The following MARCHF5 variants were observed in gnomAD, a reference collection of about 807,000 sequenced individuals.
MARCHF5 encodes the protein membrane associated ring-CH-type finger 5.
MARCHF5 carries 5 observed loss-of-function variants against 36.5 expected under a neutral mutation model. The observed-to-expected ratio is 0.14, with a 90% confidence interval of 0.07 to 0.29. The LOEUF (loss-of-function observed/expected upper bound fraction) is 0.29, where lower values mean the gene tolerates loss of function less well. Among genes scored for constraint, MARCHF5 ranks in the 10% least tolerant of loss-of-function variants. MARCHF5 has a pLI of 1.00. For missense variants in MARCHF5, 179 were observed against 336.3 expected (o/e 0.53, Z 3.66); for synonymous variants, 103 against 109.9 (o/e 0.94, Z 0.39).
At chr10:92,307,222 T>C (rs1438893615) in intron 1 of MARCHF5, among the ~76,000 whole-genome samples, 1 of 145,972 alleles carries the variant, frequency 6.9e-6, no homozygotes, top group Non-Finnish European at 1.5e-5. Context: ...TGCGCGTGCA[T>C]GCACGCACGT....
In MARCHF5 at chr10:92,349,390, T is replaced by C. The variant is rs1456471198; in HGVS notation, c.411T>C (p.Ala137=). Reference sequence around the variant, plus strand: ...AAGGTCTGGATGTTATGGAGAGAGCTGATCCTTTATTCCTTTTAATTGGAC... The same window carrying C: ...AAGGTCTGGATGTTATGGAGAGAGCCGATCCTTTATTCCTTTTAATTGGAC... ...HKEGLDVMER[A]DPLFLLIGLP... The change falls in exon 4 of 6, where the codon GCT becomes GCC. Residue 137 remains alanine, a synonymous_variant. Coordinates refer to ENST00000358935, the MANE Select transcript of MARCHF5 (RefSeq NM_017824.5). The C allele has an allele frequency of 1.9e-6, 3 of 1,614,078 alleles. No individual in the cohort carries two copies. The highest frequency in any genetic ancestry group is 1.1e-5 in the South Asian group (1 of 91,064).
chr10:92,340,816 A>G lies in MARCHF5; in HGVS notation c.369+13A>G, dbSNP rs748542270. On this transcript the variant is annotated intron_variant, in intron 3 of 5. Coordinates refer to ENST00000358935, the MANE Select transcript of MARCHF5 (RefSeq NM_017824.5). ...GACAGTGATGCAGGTTCACTATTTTACCTATATAGTGATATTACTTGGTGT... is the reference window on the plus strand; with the variant it reads ...GACAGTGATGCAGGTTCACTATTTTGCCTATATAGTGATATTACTTGGTGT... 2.5e-6 allele frequency: 4 copies of G among 1,588,982 alleles called. No homozygotes were observed. In the South Asian group the frequency reaches 4.6e-5, roughly 18 times the overall value.
chr10:92,315,713 CTT>C (rs1197703780), intron 2 of MARCHF5, among the ~76,000 whole-genome samples: 3 of 152,146 alleles, frequency 2.0e-5, no homozygotes, highest in Non-Finnish European at 2.9e-5. Flanking sequence ...CACTTTTACT[CTT>C]TTGAACCATT....
chr10:92,349,156 A>T (rs556259118), intron 3 of MARCHF5, among the ~76,000 whole-genome samples, 193 bp from the exon 4 acceptor site: 1 of 152,240 alleles, frequency 6.6e-6, no homozygotes, highest in South Asian at 2.1e-4. Context: ...TGGCTTGGGA[A>T]CTTTGTTTTT....
intron 2 of MARCHF5, among the ~76,000 whole-genome samples, chr10:92,317,039 G>A (rs560991763): frequency 6.6e-6 from 1 of 152,206 alleles, no homozygotes; most frequent in East Asian, 1.9e-4. Context: ...GAATTCAGAG[G>A]AGAGCATCTC....
chr10:92,311,388 A>G, intron 2 of MARCHF5, 51 bp downstream of exon 2: 1 of 1,267,404 alleles, frequency 7.9e-7, no homozygotes, highest in South Asian at 1.4e-5. Context: ...TATTATATAT[A>G]ACTTTATAAG....
Position 92,349,956 on chromosome 10 carries a change from A to T in MARCHF5, c.720+119A>T, listed in dbSNP as rs549842439. 734 of 745,892 alleles carry T rather than the reference A, an allele frequency of 9.8e-4. 2 individuals are homozygous for T. Among genetic ancestry groups the T allele is most frequent in the Non-Finnish European group, 1.1e-3 (510 of 461,144 alleles). 46.2% of individuals were successfully genotyped at this position (745,892 alleles called of 1,614,324 possible). On this transcript the variant is annotated intron_variant, in intron 5 of 5. Transcript: ENST00000358935. ...TGTGGCTCCTATGCATTAAGCCTCT[A>T]TTTGAGCCTCACTATCATTCAATAG... is the stretch of plus-strand genomic sequence containing the variant.
At chr10:92,344,111 G>T (rs577993979) in intron 3 of MARCHF5, among the ~76,000 whole-genome samples, 3 of 152,118 alleles carry the variant, frequency 2.0e-5, no homozygotes, top group Admixed American at 6.5e-5. Flanking sequence ...AGATTTTTAG[G>T]CTGGCACAAT....
intron 1 of MARCHF5, among the ~76,000 whole-genome samples, chr10:92,301,851 G>C (rs1162803874): frequency 6.6e-6 from 1 of 152,194 alleles, no homozygotes; most frequent in Non-Finnish European, 1.5e-5. Flanking sequence ...CTGAGGTCAG[G>C]AGTTTGAGAC....
chr10:92,297,955 T>C (rs1173580399), intron 1 of MARCHF5, among the ~76,000 whole-genome samples: 1 of 152,168 alleles, frequency 6.6e-6, no homozygotes, highest in African/African-American at 2.4e-5. Flanking sequence ...CCCAGCACTT[T>C]GGAAGACCGA....
At chr10:92,291,585 C>A in intron 1 of MARCHF5, 56 bp downstream of exon 1, 1 of 1,476,866 alleles carries the variant, frequency 6.8e-7, no homozygotes, top group Non-Finnish European at 9.0e-7. Flanking sequence ...TGGCCCTGCC[C>A]GCGCCCGCCC....
At chr10:92,349,232 T>C (rs900088554) in intron 3 of MARCHF5, 117 bp from the exon 4 acceptor site, 6 of 778,400 alleles carry the variant, frequency 7.7e-6, no homozygotes, top group Admixed American at 6.0e-5. Context: ...TTTTTTAAAC[T>C]TTTTATTTCT....
At chr10:92,350,651 G>T (rs1378772239) in intron 5 of MARCHF5, among the ~76,000 whole-genome samples, 1 of 152,186 alleles carries the variant, frequency 6.6e-6, no homozygotes, top group Non-Finnish European at 1.5e-5. Context: ...AAACCCTTTG[G>T]TGGCAGGCTC....
intron 1 of MARCHF5, among the ~76,000 whole-genome samples, chr10:92,306,260 G>A (rs1001320222): frequency 7.2e-5 from 11 of 152,262 alleles, no homozygotes; most frequent in African/African-American, 1.7e-4. Context: ...GAGAAAGTCT[G>A]TATACCACTT....
At chr10:92,293,437 CTTTTCATA>C (rs1842914855) in intron 1 of MARCHF5, among the ~76,000 whole-genome samples, 1 of 152,034 alleles carries the variant, frequency 6.6e-6, no homozygotes, top group African/African-American at 2.4e-5. Context: ...GCTGACCTAA[CTTTTCATA>C]TGCTCTTTGG....
chr10:92,315,315 G>A (rs1038500801), intron 2 of MARCHF5, among the ~76,000 whole-genome samples: 1 of 152,218 alleles, frequency 6.6e-6, no homozygotes, highest in African/African-American at 2.4e-5. Context: ...CACGTAGCAC[G>A]TAATGTCCGA....
intron 1 of MARCHF5, among the ~76,000 whole-genome samples, chr10:92,296,553 T>G (rs1404451180): frequency 6.6e-6 from 1 of 152,214 alleles, no homozygotes; most frequent in East Asian, 1.9e-4. Context: ...TATAACAAAC[T>G]GCAGGAATGG....
intron 2 of MARCHF5, among the ~76,000 whole-genome samples, chr10:92,319,821 A>G (rs1453370691): frequency 1.4e-5 from 2 of 146,860 alleles, no homozygotes; most frequent in African/African-American, 5.0e-5. Context: ...TGCCCAGCTA[A>G]TTTTTGTATT....
Position 92,328,801 on chromosome 10 carries a change from T to TTA in MARCHF5, c.239-11852_239-11851dup, listed in dbSNP as rs748902839. Among the ~76,000 whole-genome samples the TTA allele has an allele frequency of 4.4e-3, 605 of 137,236 alleles. 2 individuals carry two copies. The highest frequency in any genetic ancestry group is 0.011 in the East Asian group (53 of 4,878). 90.0% of individuals were successfully genotyped at this position (137,236 alleles called of 152,430 possible). On this transcript the variant is annotated intron_variant, in intron 2 of 5. Coordinates refer to ENST00000358935, the MANE Select transcript of MARCHF5 (RefSeq NM_017824.5). ...TGTTTAGATCTTGTCAGTGAGGTTA[T>TTA]TATATATATATATATATATATTTTT... is the stretch of plus-strand genomic sequence containing the variant.
Sources: gnomAD v4.1 joint callset for allele counts (sites outside exome capture counted in the v4.1 genomes callset) on GRCh38, gnomAD v4.1.1 for gene constraint, MANE v1.5 for transcripts, NCBI Gene and HGNC (gene_info 2026-07-23, HGNC 2026-07-21) for gene names.